CNTN5: variants seen among roughly 807,000 people sequenced by gnomAD.
CNTN5 encodes the protein contactin 5.
In CNTN5, 77 loss-of-function variants were observed where a neutral mutation model predicts 129.1. That is an observed-to-expected ratio of 0.60 (90% confidence interval 0.50 to 0.72). CNTN5 has a LOEUF of 0.72. Ranked by LOEUF, CNTN5 falls within the 30% of genes least tolerant of loss-of-function variation. The pLI is 0.00. For missense variants in CNTN5, 1,478 were observed against 1,328.8 expected (o/e 1.11, Z -1.75); for synonymous variants, 509 against 465.6 (o/e 1.09, Z -1.20).
chr11:99,059,471 A>G (rs1221054370), intron 1 of CNTN5, among the ~76,000 whole-genome samples: 1 of 152,126 alleles, frequency 6.6e-6, no homozygotes, highest in African/African-American at 2.4e-5. Context: ...CTAAATGCAC[A>G]CAGAATATGG....
chr11:99,774,343 G>T (rs563005502), intron 3 of CNTN5, among the ~76,000 whole-genome samples: 18 of 146,940 alleles, frequency 1.2e-4, no homozygotes, highest in African/African-American at 3.0e-4. Flanking sequence ...TTTTTTTTTT[G>T]GGGGGGTGGG....
intron 1 of CNTN5, among the ~76,000 whole-genome samples, chr11:99,035,730 C>T (rs1361286951): frequency 6.6e-6 from 1 of 150,978 alleles, no homozygotes; most frequent in African/African-American, 2.4e-5. Context: ...ATCCAATTTG[C>T]CAGTCTGTGT....
intron 8 of CNTN5, among the ~76,000 whole-genome samples, chr11:99,967,263 T>C (rs1043464782): frequency 4.6e-5 from 7 of 152,160 alleles, no homozygotes; most frequent in Non-Finnish European, 8.8e-5. Context: ...TGGTGAAGGT[T>C]TGGAAGATTT....
chr11:99,457,384 G>A (rs1456103617), intron 2 of CNTN5, among the ~76,000 whole-genome samples: 1 of 151,804 alleles, frequency 6.6e-6, no homozygotes, highest in Admixed American at 6.6e-5. Flanking sequence ...GCTGTCAATA[G>A]AATTTAAAGG....
intron 3 of CNTN5, among the ~76,000 whole-genome samples, chr11:99,619,801 C>T (rs967010936): frequency 3.3e-5 from 5 of 151,788 alleles, no homozygotes; most frequent in East Asian, 3.9e-4. Context: ...CCGAGGCGGG[C>T]GGATCACAAG....
At chr11:100,042,778 A>G (rs893464991) in intron 9 of CNTN5, among the ~76,000 whole-genome samples, 3 of 152,352 alleles carry the variant, frequency 2.0e-5, no homozygotes, top group African/African-American at 4.8e-5. Flanking sequence ...GTGGCTTCAC[A>G]TAGTCTTCTC....
At chr11:100,289,191 C>G (rs1351997651) in intron 18 of CNTN5, among the ~76,000 whole-genome samples, 1 of 151,640 alleles carries the variant, frequency 6.6e-6, no homozygotes, top group Non-Finnish European at 1.5e-5. Flanking sequence ...CAAGGAGGAA[C>G]TGGTACCATT....
intron 17 of CNTN5, among the ~76,000 whole-genome samples, chr11:100,257,603 T>C (rs1950102463): frequency 6.6e-6 from 1 of 152,124 alleles, no homozygotes; most frequent in African/African-American, 2.4e-5. Context: ...CAGGCAGCAA[T>C]CTTTGCTGTC....
intron 1 of CNTN5, among the ~76,000 whole-genome samples, chr11:99,301,304 A>T (rs1023480511): frequency 1.5e-5 from 2 of 130,048 alleles, no homozygotes; most frequent in East Asian, 4.2e-4. Flanking sequence ...AGATTGACTG[A>T]ACTGAAAAAA....
intron 3 of CNTN5, among the ~76,000 whole-genome samples, chr11:99,673,958 T>C (rs1296009499): frequency 6.6e-6 from 1 of 152,176 alleles, no homozygotes; most frequent in East Asian, 1.9e-4. Context: ...TTTATATTCC[T>C]TTGGGTATAT....
At chr11:99,046,233 G>A (rs1384287885) in intron 1 of CNTN5, among the ~76,000 whole-genome samples, 1 of 152,090 alleles carries the variant, frequency 6.6e-6, no homozygotes, top group South Asian at 2.1e-4. Context: ...CCAGCTACTT[G>A]GGAGGCTGAT....
chr11:100,095,405 C>T (rs1353138533), intron 13 of CNTN5, among the ~76,000 whole-genome samples: 1 of 151,934 alleles, frequency 6.6e-6, no homozygotes, highest in Non-Finnish European at 1.5e-5. Context: ...ATTAAAAATT[C>T]ACGATGTGTT....
intron 2 of CNTN5, among the ~76,000 whole-genome samples, chr11:99,502,479 T>C (rs1946462926): frequency 1.3e-5 from 2 of 152,084 alleles, no homozygotes; most frequent in African/African-American, 4.8e-5. Flanking sequence ...GGAGATCTGA[T>C]GGTTTTATAA....
At chr11:99,759,525 A>G (rs1944510390) in intron 3 of CNTN5, among the ~76,000 whole-genome samples, 1 of 151,994 alleles carries the variant, frequency 6.6e-6, no homozygotes. Flanking sequence ...TGAAATTAAC[A>G]TCAATTTTAG....
chr11:99,867,983 G>T (rs1591336984), intron 6 of CNTN5, among the ~76,000 whole-genome samples: 1 of 152,170 alleles, frequency 6.6e-6, no homozygotes, highest in Non-Finnish European at 1.5e-5. Flanking sequence ...GGGAGGCTGA[G>T]TCAGGCGGAT....
At chr11:99,941,783 GA>G (rs1161949770) in intron 7 of CNTN5, among the ~76,000 whole-genome samples, 2 of 152,040 alleles carry the variant, frequency 1.3e-5, no homozygotes, top group Non-Finnish European at 2.9e-5. Context: ...TCCTAAGTTG[GA>G]AACTAACAGC....
chr11:99,106,085 G>C (rs1464794984), intron 1 of CNTN5, among the ~76,000 whole-genome samples: 4 of 152,004 alleles, frequency 2.6e-5, no homozygotes, highest in Non-Finnish European at 4.4e-5. Flanking sequence ...AAAATAGTCT[G>C]AAAGAGGAAA....
chr11:99,582,178 T>G (rs1277187755), intron 3 of CNTN5, among the ~76,000 whole-genome samples: 13 of 152,288 alleles, frequency 8.5e-5, no homozygotes, highest in Non-Finnish European at 7.3e-5. Flanking sequence ...GCTTGTAGAG[T>G]TTCTGCCGAG....
intron 1 of CNTN5, among the ~76,000 whole-genome samples, chr11:99,236,309 G>T (rs1385263302): frequency 2.6e-5 from 4 of 152,050 alleles, no homozygotes; most frequent in South Asian, 4.1e-4. Flanking sequence ...CTCTAGGAAG[G>T]ATAAGTACCA....
Sources: allele counts gnomAD v4.1 joint callset (sites outside exome capture counted in the v4.1 genomes callset), GRCh38; gene constraint gnomAD v4.1.1; transcripts MANE v1.5; gene names NCBI Gene and HGNC (gene_info 2026-07-23, HGNC 2026-07-21).